ZNF365: variants seen among roughly 807,000 people sequenced by gnomAD.
The protein encoded by ZNF365 is zinc finger protein 365.
ZNF365 carries 22 observed loss-of-function variants against 35.0 expected under a neutral mutation model. That is an observed-to-expected ratio of 0.63 (90% confidence interval 0.45 to 0.90). The LOEUF (loss-of-function observed/expected upper bound fraction) is 0.90, where lower values mean the gene tolerates loss of function less well. Ranked by LOEUF, ZNF365 falls within the 40% of genes least tolerant of loss-of-function variation. ZNF365 has a pLI of 0.00. For synonymous variants in ZNF365, 188 were observed against 196.2 expected (o/e 0.96, Z 0.35); for missense variants, 448 against 500.3 (o/e 0.90, Z 1.00).
At chr10:62,446,086 C>T (rs1589458004) in intron 3 of ZNF365, among the ~76,000 whole-genome samples, 1 of 152,154 alleles carries the variant, frequency 6.6e-6, no homozygotes, top group Non-Finnish European at 1.5e-5. Flanking sequence ...GGTTGGAAAA[C>T]CCAAGTCACT....
chr10:62,467,922 C>G (rs1394186997), intron 4 of ZNF365, among the ~76,000 whole-genome samples: 1 of 152,070 alleles, frequency 6.6e-6, no homozygotes, highest in African/African-American at 2.4e-5. Context: ...CACACTGAGA[C>G]CCATCATCAA....
In ZNF365 at chr10:62,398,460, G is replaced by C. The variant is rs114747123; in HGVS notation, c.925-280G>C. ...TCTTCAAATGTTGCTCTACTGGGGG[G>C]CTCTTTTGCGTGTTTGAGATTTTTG... On this transcript the variant is annotated intron_variant, in intron 3 of 4. Coordinates refer to ENST00000395254, the MANE Select transcript of ZNF365 (RefSeq NM_014951.3). Among the ~76,000 whole-genome samples, 1,309 of 152,232 alleles carry C rather than the reference G, an allele frequency of 8.6e-3. 18 individuals are homozygous for C. Among genetic ancestry groups the C allele is most frequent in the African/African-American group, 0.03 (1,258 of 41,516 alleles).
chr10:62,459,180 T>C (rs1323809646), intron 3 of ZNF365, among the ~76,000 whole-genome samples: 1 of 152,226 alleles, frequency 6.6e-6, no homozygotes, highest in Admixed American at 6.5e-5. Flanking sequence ...GGGCTTCAAA[T>C]TGAAAAGATG....
intron 3 of ZNF365, among the ~76,000 whole-genome samples, chr10:62,427,654 G>C (rs1840271039): frequency 6.6e-6 from 1 of 152,082 alleles, no homozygotes; most frequent in Non-Finnish European, 1.5e-5. Context: ...AGGTCTGCTT[G>C]GTACTTGCGT....
rs139197174 is a variant in ZNF365, at chr10:62,460,799, G to A, written c.981+1002G>A. Among the ~76,000 whole-genome samples the A allele has an allele frequency of 3.0e-3, 456 of 152,242 alleles. 1 individual carries two copies. Among genetic ancestry groups the A allele is most frequent in the African/African-American group, 0.011 (437 of 41,528 alleles). On this transcript the variant is annotated intron_variant, in intron 4 of 4. Transcript: ENST00000395255. ...GGAGGATTCTTCACTTCATTGGTTT[G>A]GCTAAATTCTGGGGCAGCATTGGCT... is the stretch of plus-strand genomic sequence containing the variant.
intron 3 of ZNF365, among the ~76,000 whole-genome samples, chr10:62,414,504 A>C (rs1840041869): frequency 6.6e-6 from 1 of 152,056 alleles, no homozygotes; most frequent in South Asian, 2.1e-4. Flanking sequence ...GTGTCTGGCC[A>C]TCTATCTGGA....
chr10:62,422,727 C>T (rs1262259625), intron 3 of ZNF365, among the ~76,000 whole-genome samples: 1 of 152,130 alleles, frequency 6.6e-6, no homozygotes, highest in East Asian at 1.9e-4. Flanking sequence ...GAATGCCATA[C>T]CACCTAAGTA....
chr10:62,394,077 A>G (rs1839681186), intron 3 of ZNF365, among the ~76,000 whole-genome samples: 2 of 152,048 alleles, frequency 1.3e-5, no homozygotes, highest in African/African-American at 2.4e-5. Flanking sequence ...CAGGTTGAGT[A>G]TACTTTATCC....
At chr10:62,388,683 A>G in intron 3 of ZNF365, 107 bp downstream of exon 3, 1 of 1,305,470 alleles carries the variant, frequency 7.7e-7, no homozygotes, top group Admixed American at 2.4e-5. Flanking sequence ...CTCTCTAGAC[A>G]TCATTTGAGA....
intron 3 of ZNF365, among the ~76,000 whole-genome samples, chr10:62,428,110 C>T (rs192352719): frequency 2.0e-5 from 3 of 152,064 alleles, no homozygotes; most frequent in Non-Finnish European, 2.9e-5. Flanking sequence ...TAATTCCCTG[C>T]GTGTCAGGAC....
chr10:62,433,310 G>A (rs567211100), intron 3 of ZNF365, among the ~76,000 whole-genome samples: 11 of 152,224 alleles, frequency 7.2e-5, no homozygotes, highest in African/African-American at 1.9e-4. Flanking sequence ...TTTGGCCATC[G>A]AGGCGGGCTG....
At chr10:62,413,235 T>A (rs1007140143) in intron 3 of ZNF365, among the ~76,000 whole-genome samples, 2 of 152,136 alleles carry the variant, frequency 1.3e-5, no homozygotes, top group African/African-American at 4.8e-5. Flanking sequence ...GTGTGTTCCA[T>A]GTATCACTAG....
At chr10:62,451,443 T>C (rs939671503) in intron 3 of ZNF365, among the ~76,000 whole-genome samples, 20 of 152,174 alleles carry the variant, frequency 1.3e-4, no homozygotes, top group Non-Finnish European at 2.6e-4. Context: ...GTGTGACTTG[T>C]TCTGTGGAGG....
intron 3 of ZNF365, among the ~76,000 whole-genome samples, chr10:62,397,588 A>G (rs1382736809): frequency 6.6e-6 from 1 of 152,208 alleles, no homozygotes. Context: ...AATGATAATT[A>G]TCAATTTATT....
intron 2 of ZNF365, among the ~76,000 whole-genome samples, chr10:62,383,369 A>G (rs1398683832): frequency 6.6e-6 from 1 of 152,216 alleles, no homozygotes; most frequent in African/African-American, 2.4e-5. Flanking sequence ...ACACCTGGGC[A>G]TGTGTCTGAG....
intron 3 of ZNF365, among the ~76,000 whole-genome samples, chr10:62,417,392 T>C (rs1435241598): frequency 1.3e-5 from 2 of 152,050 alleles, no homozygotes; most frequent in South Asian, 2.1e-4. Flanking sequence ...GCTATAAAAA[T>C]GAACAAAATG....
rs1389649962 is a variant in ZNF365 at position 62,401,856 on chromosome 10, A to G, written c.*2067A>G. 1 of 985,444 alleles carries G rather than the reference A, an allele frequency of 1.0e-6. No individual in the cohort carries two copies. Among genetic ancestry groups the G allele is most frequent in the Admixed American group, 6.1e-5 (1 of 16,270 alleles). The allele number at this position is 985,444 out of a possible 1,614,324, so 61.0% of individuals were successfully genotyped here. ...CCCCATGATCTTCAGAAAGTACCAT[A>G]ATGTCATCCTACTCTACATTTCACA... On this transcript the variant is annotated 3_prime_UTR_variant, in exon 5 of 5. Transcript: ENST00000395254.
intron 4 of ZNF365, among the ~76,000 whole-genome samples, chr10:62,464,248 T>C (rs1840895703): frequency 6.6e-6 from 1 of 152,252 alleles, no homozygotes. Flanking sequence ...TAGCTCATTG[T>C]AAATATGATT....
At chr10:62,465,872 C>T (rs140501297) in intron 4 of ZNF365, among the ~76,000 whole-genome samples, 1 of 152,308 alleles carries the variant, frequency 6.6e-6, no homozygotes, top group African/African-American at 2.4e-5. Context: ...TGAAGCATCG[C>T]AACCCTTCTT....
Sources: allele counts gnomAD v4.1 joint callset (sites outside exome capture counted in the v4.1 genomes callset), GRCh38; gene constraint gnomAD v4.1.1; transcripts MANE v1.5; gene names NCBI Gene and HGNC (gene_info 2026-07-23, HGNC 2026-07-21).